The following AKAP6 variants were observed in gnomAD, a reference collection of about 807,000 sequenced individuals.
AKAP6 encodes the protein A-kinase anchoring protein 6.
AKAP6 carries 58 observed loss-of-function variants against 188.5 expected under a neutral mutation model. That is an observed-to-expected ratio of 0.31 (90% CI 0.25 to 0.38). The LOEUF (loss-of-function observed/expected upper bound fraction) is 0.38, where lower values mean the gene tolerates loss of function less well. AKAP6 is among the 10% of genes least tolerant of loss of function. The probability of loss-of-function intolerance (pLI) is 1.00; values close to 1 mark genes in which losing one functional copy is unlikely to be tolerated. For missense variants in AKAP6, 2,710 were observed against 2,740.0 expected (o/e 0.99, Z 0.24); for synonymous variants, 989 against 998.6 (o/e 0.99, Z 0.18).
chr14:32,827,207 A>G (rs2140161542), intron 13 of AKAP6, among the ~76,000 whole-genome samples: 1 of 152,344 alleles, frequency 6.6e-6, no homozygotes, highest in Non-Finnish European at 1.5e-5. Flanking sequence ...CATGTCTACA[A>G]GAGCTTAATT....
intron 5 of AKAP6, among the ~76,000 whole-genome samples, chr14:32,583,991 C>G (rs1193541014): frequency 6.6e-6 from 1 of 152,210 alleles, no homozygotes; most frequent in Non-Finnish European, 1.5e-5. Flanking sequence ...CACTGTCCTG[C>G]GCCCACTGTC....
At chr14:32,609,482 AGG>A (rs1886260488) in intron 7 of AKAP6, among the ~76,000 whole-genome samples, 1 of 152,166 alleles carries the variant, frequency 6.6e-6, no homozygotes, top group African/African-American at 2.4e-5. Flanking sequence ...GGCAGAGCTC[AGG>A]GACCATCTCA....
intron 2 of AKAP6, among the ~76,000 whole-genome samples, chr14:32,460,335 T>C (rs1891280715): frequency 1.3e-5 from 2 of 152,164 alleles, no homozygotes; most frequent in African/African-American, 4.8e-5. Context: ...CCAAGATGGC[T>C]GAATAGCAAC....
At chr14:32,494,345 G>A (rs1880196802) in intron 2 of AKAP6, 2 of 152,178 alleles carry the variant, frequency 1.3e-5, no homozygotes, top group South Asian at 4.1e-4. Flanking sequence ...GATTCAGAAT[G>A]CTCAGTGCTG....
intron 2 of AKAP6, among the ~76,000 whole-genome samples, chr14:32,527,345 C>G (rs1376837110): frequency 2.7e-5 from 4 of 150,460 alleles, no homozygotes; most frequent in African/African-American, 9.8e-5. Context: ...CTACTGAACT[C>G]CTTGGTTGCT....
At chr14:32,659,941 G>T (rs1469041033) in intron 7 of AKAP6, among the ~76,000 whole-genome samples, 1 of 151,956 alleles carries the variant, frequency 6.6e-6, no homozygotes, top group Non-Finnish European at 1.5e-5. Context: ...TAACCGACAA[G>T]GTGACACAAA....
chr14:32,797,182 G>C (rs528906844), intron 12 of AKAP6, among the ~76,000 whole-genome samples: 8 of 152,192 alleles, frequency 5.3e-5, no homozygotes, highest in Admixed American at 2.0e-4. Context: ...GTTGGTGGGA[G>C]TGTAAATTAG....
intron 12 of AKAP6, among the ~76,000 whole-genome samples, chr14:32,785,695 A>G (rs2033379741): frequency 7.0e-6 from 1 of 142,998 alleles, no homozygotes; most frequent in South Asian, 2.3e-4. Context: ...TGCTATAAAT[A>G]TCCTTGCTTT....
intron 3 of AKAP6, among the ~76,000 whole-genome samples, chr14:32,540,168 C>CTCTCTCTCTATATATATATA (rs1240063339): frequency 1.3e-4 from 8 of 60,912 alleles, no homozygotes; most frequent in African/African-American, 7.8e-4. Context: ...CTCTCTCTCT[C>CTCTCTCTCTATATATATATA]TATATATATA....
chr14:32,597,783 AATG>A (rs1483518703), intron 5 of AKAP6, among the ~76,000 whole-genome samples: 4 of 152,278 alleles, frequency 2.6e-5, no homozygotes, highest in Non-Finnish European at 4.4e-5. Flanking sequence ...ATCTTTTAAT[AATG>A]ACTTACAATT....
chr14:32,516,704 C>T (rs1294562497), intron 2 of AKAP6, among the ~76,000 whole-genome samples: 2 of 152,000 alleles, frequency 1.3e-5, no homozygotes, highest in Non-Finnish European at 2.9e-5. Context: ...TAGGTAAAAA[C>T]CCTGTATTCC....
intron 2 of AKAP6, among the ~76,000 whole-genome samples, chr14:32,530,897 A>C (rs926420965): frequency 2.2e-4 from 34 of 152,322 alleles, no homozygotes; most frequent in Admixed American, 7.2e-4. Context: ...CAAAAAACAA[A>C]AAACAAAAAA....
At chr14:32,590,227 G>A (rs1885432055) in intron 5 of AKAP6, among the ~76,000 whole-genome samples, 1 of 149,550 alleles carries the variant, frequency 6.7e-6, no homozygotes, top group South Asian at 2.2e-4. Context: ...GATTCTCCCT[G>A]CCCACCCTCC....
At chr14:32,381,661 A>G (rs1888366132) in intron 1 of AKAP6, among the ~76,000 whole-genome samples, 1 of 152,170 alleles carries the variant, frequency 6.6e-6, no homozygotes, top group African/African-American at 2.4e-5. Flanking sequence ...AATGGGAGGA[A>G]GAGAAGAGGA....
chr14:32,672,745 T>C (rs1408073759), intron 7 of AKAP6, among the ~76,000 whole-genome samples: 1 of 152,188 alleles, frequency 6.6e-6, no homozygotes, highest in Non-Finnish European at 1.5e-5. Flanking sequence ...TACTAGAATC[T>C]CTTAGGCATT....
chr14:32,743,488 T>C (rs1302198481), intron 11 of AKAP6, among the ~76,000 whole-genome samples: 9 of 152,192 alleles, frequency 5.9e-5, no homozygotes. Flanking sequence ...TGTTTTTCTC[T>C]GATGATATGA....
intron 9 of AKAP6, among the ~76,000 whole-genome samples, chr14:32,731,905 A>C (rs771185437): frequency 2.0e-5 from 3 of 152,108 alleles, no homozygotes; most frequent in African/African-American, 4.8e-5. Context: ...AAAGAAGCAT[A>C]GATTTGTAAC....
chr14:32,349,449 C>T (rs1007410276), intron 1 of AKAP6, among the ~76,000 whole-genome samples: 4 of 152,138 alleles, frequency 2.6e-5, no homozygotes, highest in Admixed American at 6.6e-5. Context: ...GGATGGAGAG[C>T]GTCTATTTCT....
At chr14:32,397,951 A>G (rs1325909937) in intron 1 of AKAP6, among the ~76,000 whole-genome samples, 1 of 152,180 alleles carries the variant, frequency 6.6e-6, no homozygotes, top group African/African-American at 2.4e-5. Context: ...CATACTATCC[A>G]CAAAATAAAT....
Sources: gnomAD v4.1 joint callset for allele counts (sites outside exome capture counted in the v4.1 genomes callset) on GRCh38, gnomAD v4.1.1 for gene constraint, MANE v1.5 for transcripts, NCBI Gene and HGNC (gene_info 2026-07-23, HGNC 2026-07-21) for gene names.